SCYL2: variants seen among roughly 807,000 people sequenced by gnomAD.
SCYL2 encodes SCY1 like pseudokinase 2, also known as SCY1-like protein 2.
Under a neutral mutation model 100.4 loss-of-function variants are expected in SCYL2, and 36 were observed. The ratio of observed to expected loss-of-function variants is 0.36; its 90% CI spans 0.27 to 0.47. SCYL2 has a LOEUF of 0.47. SCYL2 is among the 20% of genes least tolerant of loss of function. SCYL2 has a pLI of 1.00. For missense variants in SCYL2, 902 were observed against 1,083.9 expected, an observed-to-expected ratio of 0.83 and a Z score of 2.36; for synonymous variants, 330 against 359.2, an observed-to-expected ratio of 0.92 and a Z score of 0.92.
intron 3 of SCYL2, 23 bp downstream of exon 3, chr12:100,291,683 A>G (rs941813145): frequency 1.9e-6 from 3 of 1,553,932 alleles, no homozygotes; most frequent in Non-Finnish European, 2.6e-6. Context: ...AAAAACTTAC[A>G]TAGTAGACTT....
At chr12:100,314,420 A>G in intron 7 of SCYL2, 69 bp from the exon 8 acceptor site, 1 of 1,143,624 alleles carries the variant, frequency 8.7e-7, no homozygotes. Context: ...CCATATTGTG[A>G]CAGTTTCAGA....
At chr12:100,298,739 A>G (rs564751773) in intron 4 of SCYL2, among the ~76,000 whole-genome samples, 1 of 152,098 alleles carries the variant, frequency 6.6e-6, no homozygotes, top group South Asian at 2.1e-4. Context: ...GTGCACCACC[A>G]CGCCTAGCTA....
intron 3 of SCYL2, among the ~76,000 whole-genome samples, chr12:100,295,917 C>T (rs368455839): frequency 3.3e-5 from 5 of 152,274 alleles, no homozygotes; most frequent in East Asian, 3.9e-4. Flanking sequence ...GAGCAGATGC[C>T]GGGCCATCCT....
intron 11 of SCYL2, among the ~76,000 whole-genome samples, chr12:100,325,203 C>T (rs1161419076): frequency 6.6e-6 from 1 of 152,076 alleles, no homozygotes; most frequent in African/African-American, 2.4e-5. Flanking sequence ...CGCTCCCCAC[C>T]CCGCCCAAAA....
Position 100,338,711 on chromosome 12 carries a change from A to G in SCYL2, c.2329A>G (p.Met777Val), listed in dbSNP as rs1167657461. 5.0e-6 allele frequency: 8 copies of G among 1,614,124 alleles called. No individual in the cohort carries two copies. Among genetic ancestry groups the G allele is most frequent in the East Asian group, 2.2e-5 (1 of 44,884 alleles). The stretch of plus-strand genomic sequence containing the variant: ...TTTGACAAATGGCCTAAATGCCAAT[A>G]TGGGCTTTCAGACTTCAGGATTCAA... Reference protein sequence around the residue: ...RNLTNGLNANMGFQTSGFNMP... With the variant: ...RNLTNGLNANVGFQTSGFNMP... The change falls in exon 18 of 18, where the codon ATG becomes GTG. Residue 777 changes from methionine to valine, a missense_variant. Met to Val is a conservative substitution (Grantham distance 21, BLOSUM62 1). Transcript: ENST00000360820.
Position 100,311,752 on chromosome 12 carries a change from A to G in SCYL2, c.630+559A>G, listed in dbSNP as rs1035303864. 1.1e-4 allele frequency among the ~76,000 whole-genome samples: 16 copies of G among 152,220 alleles called. No individual in the cohort carries two copies. The East Asian group carries it at 2.3e-3, about 22-fold the overall frequency. ...TCTGCTTCCAAAGCACCTTTTCTTA[A>G]TGATTAGGATACCTGCCTATTCATA... is the stretch of plus-strand genomic sequence containing the variant. On this transcript the variant is annotated intron_variant, in intron 5 of 17. Transcript: ENST00000360820.
chr12:100,329,751 G>A (rs957708507), intron 13 of SCYL2, among the ~76,000 whole-genome samples: 1 of 152,202 alleles, frequency 6.6e-6, no homozygotes, highest in Non-Finnish European at 1.5e-5. Flanking sequence ...GTTTCTCACA[G>A]TGCTGTAGTA....
chr12:100,291,744 T>C, intron 3 of SCYL2, 84 bp downstream of exon 3: 1 of 1,348,118 alleles, frequency 7.4e-7, no homozygotes. Flanking sequence ...GTTTCAAGTA[T>C]TGTCAGTGAA....
At chr12:100,279,460 G>A (rs996475911) in intron 1 of SCYL2, among the ~76,000 whole-genome samples, 5 of 152,194 alleles carry the variant, frequency 3.3e-5, no homozygotes, top group East Asian at 3.8e-4. Flanking sequence ...AAGTCACATC[G>A]TCTTGCTTCT....
At chr12:100,287,868 C>G (rs1455031993) in intron 2 of SCYL2, among the ~76,000 whole-genome samples, 1 of 152,096 alleles carries the variant, frequency 6.6e-6, no homozygotes, top group Admixed American at 6.5e-5. Flanking sequence ...AATTGCTTAT[C>G]TTTATTTACT....
intron 2 of SCYL2, among the ~76,000 whole-genome samples, chr12:100,290,665 CAT>C (rs2096309550): frequency 6.6e-6 from 1 of 152,114 alleles, no homozygotes; most frequent in African/African-American, 2.4e-5. Context: ...CTTTCAAAGA[CAT>C]AGAAATTCTG....
chr12:100,294,057 CG>C (rs1424457596), intron 3 of SCYL2, among the ~76,000 whole-genome samples: 4 of 142,926 alleles, frequency 2.8e-5, no homozygotes, highest in Admixed American at 6.9e-5. Flanking sequence ...ACCTCCCAGA[CG>C]GGGTGGTGGC....
chr12:100,317,958 G>A (rs1338017657), intron 10 of SCYL2, 33 bp downstream of exon 10: 2 of 1,516,210 alleles, frequency 1.3e-6, no homozygotes, highest in Non-Finnish European at 1.8e-6. Flanking sequence ...CTTTAATGAT[G>A]ATTTTGATTC....
intron 5 of SCYL2, among the ~76,000 whole-genome samples, chr12:100,311,969 C>T (rs2096342728): frequency 1.3e-5 from 2 of 152,142 alleles, no homozygotes; most frequent in South Asian, 4.1e-4. Context: ...TCAGAACTAA[C>T]TAGTATTGGT....
chr12:100,278,448 T>C (rs1052234211), intron 1 of SCYL2, among the ~76,000 whole-genome samples: 1 of 152,062 alleles, frequency 6.6e-6, no homozygotes, highest in Non-Finnish European at 1.5e-5. Flanking sequence ...GATCCTCCCA[T>C]CTCTAATAGT....
intron 11 of SCYL2, among the ~76,000 whole-genome samples, chr12:100,324,367 A>G (rs1046969830): frequency 5.3e-5 from 8 of 152,154 alleles, no homozygotes; most frequent in Non-Finnish European, 1.5e-5. Context: ...AGAGGGAGAA[A>G]TGTTCTCTTT....
chr12:100,269,987 C>CTTT (rs548843835), intron 1 of SCYL2, among the ~76,000 whole-genome samples: 1 of 143,000 alleles, frequency 7.0e-6, no homozygotes, highest in African/African-American at 2.6e-5. Flanking sequence ...AGATTTTATA[C>CTTT]TTTTTTTTTT....
intron 12 of SCYL2, among the ~76,000 whole-genome samples, chr12:100,327,942 G>A (rs1323875947): frequency 6.6e-6 from 1 of 152,128 alleles, no homozygotes; most frequent in Non-Finnish European, 1.5e-5. Flanking sequence ...AGACATGGAA[G>A]GTACTCTAGG....
intron 1 of SCYL2, among the ~76,000 whole-genome samples, chr12:100,280,649 C>G (rs12369740): frequency 0.12 from 18,575 of 152,130 alleles, 1,519 homozygotes; most frequent in Non-Finnish European, 0.18. Flanking sequence ...GTTGAATATC[C>G]CTAATCCAAA....
Sources: gnomAD v4.1 joint callset for allele counts (sites outside exome capture counted in the v4.1 genomes callset) on GRCh38, gnomAD v4.1.1 for gene constraint, MANE v1.5 for transcripts, NCBI Gene and HGNC (gene_info 2026-07-23, HGNC 2026-07-21) for gene names.